Variants in ITGA9 observed in about 807,000 individuals in gnomAD.
ITGA9 encodes integrin alpha-9.
In ITGA9, 56 loss-of-function variants were observed where a neutral mutation model predicts 127.8. The ratio of observed to expected loss-of-function variants is 0.44; its 90% confidence interval spans 0.35 to 0.55. The LOEUF is 0.55. ITGA9 is among the 20% of genes least tolerant of loss of function. ITGA9 has a pLI of 0.00. For missense variants in ITGA9, 1,196 were observed against 1,347.1 expected (o/e 0.89, Z 1.76); for synonymous variants, 508 against 514.5 (o/e 0.99, Z 0.17).
intron 25 of ITGA9, among the ~76,000 whole-genome samples, chr3:37,784,219 C>T (rs1249631152): frequency 2.0e-5 from 3 of 152,182 alleles, no homozygotes; most frequent in Non-Finnish European, 4.4e-5. Flanking sequence ...TCTGGCTTCT[C>T]CCCAGACCAC....
intron 26 of ITGA9, among the ~76,000 whole-genome samples, chr3:37,786,626 A>C (rs995391247): frequency 6.6e-6 from 1 of 152,122 alleles, no homozygotes; most frequent in African/African-American, 2.4e-5. Context: ...AAAAAAAAAA[A>C]AACCAATAGT....
chr3:37,638,899 T>C (rs1023824401), intron 16 of ITGA9, among the ~76,000 whole-genome samples: 2 of 152,202 alleles, frequency 1.3e-5, no homozygotes, highest in African/African-American at 2.4e-5. Flanking sequence ...GAGTTAGGAA[T>C]GTGCAGGACA....
chr3:37,788,372 A>C (rs371858637), intron 26 of ITGA9, among the ~76,000 whole-genome samples: 44 of 152,296 alleles, frequency 2.9e-4, no homozygotes, highest in African/African-American at 1.1e-3. Context: ...TAAACTACAG[A>C]ACCTTAGGTC....
At chr3:37,568,614 A>G (rs1341557519) in intron 15 of ITGA9, among the ~76,000 whole-genome samples, 1 of 152,218 alleles carries the variant, frequency 6.6e-6, no homozygotes, top group Non-Finnish European at 1.5e-5. Flanking sequence ...TGCTGCTTAG[A>G]AATTTCTTCC....
At chr3:37,569,159 G>A (rs376621844) in intron 15 of ITGA9, among the ~76,000 whole-genome samples, 2 of 152,326 alleles carry the variant, frequency 1.3e-5, no homozygotes, top group South Asian at 2.1e-4. Flanking sequence ...CACAATCATG[G>A]TAGAAAGCAA....
At chr3:37,813,050 G>A (rs56849448) in intron 27 of ITGA9, among the ~76,000 whole-genome samples, 1,995 of 152,356 alleles carry the variant, frequency 0.013, 35 homozygotes, top group African/African-American at 0.045. Flanking sequence ...ACCTTGGGAT[G>A]TGCTAATTTC....
At chr3:37,700,719 C>A (rs1414215519) in intron 18 of ITGA9, among the ~76,000 whole-genome samples, 1 of 152,082 alleles carries the variant, frequency 6.6e-6, no homozygotes, top group East Asian at 1.9e-4. Context: ...GGTAGGATCT[C>A]AATCTTTGTT....
intron 15 of ITGA9, among the ~76,000 whole-genome samples, chr3:37,566,116 G>A (rs1699544474): frequency 6.6e-6 from 1 of 152,170 alleles, no homozygotes; most frequent in Admixed American, 6.5e-5. Context: ...TAACTCATAA[G>A]AAGTTTTAAC....
In ITGA9 at chr3:37,483,744, C is replaced by T. The variant is rs188647425; in HGVS notation, c.544+2137C>T. ...TGGCAGTCAGGCCACATCATAGGAACGGTGGTAGGAGCTGGGGGGAGACAG... is the reference window on the plus strand; with the variant it reads ...TGGCAGTCAGGCCACATCATAGGAATGGTGGTAGGAGCTGGGGGGAGACAG... On this transcript the variant is annotated intron_variant, in intron 4 of 27. Coordinates refer to ENST00000264741, the MANE Select transcript of ITGA9 (RefSeq NM_002207.3). Among the ~76,000 whole-genome samples, 81 of 152,276 alleles carry T rather than the reference C, an allele frequency of 5.3e-4. 1 individual carries two copies. Among genetic ancestry groups the T allele is most frequent in the Admixed American group, 4.9e-3 (75 of 15,302 alleles).
intron 18 of ITGA9, among the ~76,000 whole-genome samples, chr3:37,702,637 A>C (rs755751879): frequency 2.0e-5 from 3 of 152,156 alleles, no homozygotes; most frequent in Non-Finnish European, 4.4e-5. Context: ...GAAAACCGTC[A>C]GGCAGGAGAG....
intron 19 of ITGA9, among the ~76,000 whole-genome samples, chr3:37,735,414 G>A (rs1196783707): frequency 6.6e-6 from 1 of 151,954 alleles, no homozygotes; most frequent in Non-Finnish European, 1.5e-5. Flanking sequence ...TGTAGATGAT[G>A]GTCCATTGTA....
At chr3:37,801,888 C>T (rs923995486) in intron 26 of ITGA9, among the ~76,000 whole-genome samples, 3 of 152,134 alleles carry the variant, frequency 2.0e-5, no homozygotes, top group South Asian at 4.1e-4. Flanking sequence ...CCCTGGCACA[C>T]GCACACACTC....
chr3:37,611,946 T>G (rs769837521), intron 15 of ITGA9, among the ~76,000 whole-genome samples: 11 of 152,128 alleles, frequency 7.2e-5, no homozygotes, highest in Admixed American at 1.3e-4. Flanking sequence ...GAAGCAGCTT[T>G]GCTCTGCCTT....
At chr3:37,733,407 G>A (rs1696320581) in intron 19 of ITGA9, among the ~76,000 whole-genome samples, 1 of 148,090 alleles carries the variant, frequency 6.8e-6, no homozygotes, top group Non-Finnish European at 1.5e-5. Flanking sequence ...ACAAACATAG[G>A]TAAAAAGATG....
intron 15 of ITGA9, among the ~76,000 whole-genome samples, chr3:37,601,120 C>T (rs530013216): frequency 6.6e-5 from 10 of 152,294 alleles, no homozygotes; most frequent in Admixed American, 5.9e-4. Context: ...GACCCACCAG[C>T]GACTTTGTGA....
At chr3:37,559,812 A>C (rs888461065) in intron 15 of ITGA9, among the ~76,000 whole-genome samples, 2 of 152,118 alleles carry the variant, frequency 1.3e-5, no homozygotes, top group African/African-American at 4.8e-5. Context: ...GAGACACTTG[A>C]TTTAGGTGAA....
At chr3:37,793,268 T>C (rs75431556) in intron 26 of ITGA9, among the ~76,000 whole-genome samples, 7,255 of 151,878 alleles carry the variant, frequency 0.048, 327 homozygotes, top group African/African-American at 0.11. Flanking sequence ...CTATGGAAAG[T>C]TGTATTCTCA....
chr3:37,695,931 T>A (rs1455476934), intron 18 of ITGA9, among the ~76,000 whole-genome samples: 1 of 152,202 alleles, frequency 6.6e-6, no homozygotes, highest in Non-Finnish European at 1.5e-5. Context: ...TCTCAGCCTG[T>A]CTTCATAGGG....
At chr3:37,564,775 A>G (rs921806439) in intron 15 of ITGA9, among the ~76,000 whole-genome samples, 1 of 152,226 alleles carries the variant, frequency 6.6e-6, no homozygotes, top group Non-Finnish European at 1.5e-5. Flanking sequence ...AGAGCTTTGG[A>G]GCCCACAGCA....
Sources: gnomAD v4.1 joint callset for allele counts (sites outside exome capture counted in the v4.1 genomes callset) on GRCh38, gnomAD v4.1.1 for gene constraint, MANE v1.5 for transcripts, NCBI Gene and HGNC (gene_info 2026-07-23, HGNC 2026-07-21) for gene names.